The following SCFD2 variants were observed in gnomAD, a reference collection of about 807,000 sequenced individuals.
SCFD2 encodes sec1 family domain containing 2, also known as sec1 family domain-containing protein 2.
In SCFD2, 54 loss-of-function variants were observed where a neutral mutation model predicts 58.9. The observed-to-expected ratio is 0.92, with a 90% CI of 0.74 to 1.15. The LOEUF (loss-of-function observed/expected upper bound fraction) is 1.15, where lower values mean the gene tolerates loss of function less well. Among genes scored for constraint, SCFD2 ranks in the 50% most tolerant of loss-of-function variants. SCFD2 has a pLI of 0.00. For synonymous variants in SCFD2, 321 were observed against 335.9 expected, an observed-to-expected ratio of 0.96 and a Z score of 0.49; for missense variants, 805 against 836.6, an observed-to-expected ratio of 0.96 and a Z score of 0.47.
At chr4:53,291,960 C>T (rs1432609406) in intron 3 of SCFD2, among the ~76,000 whole-genome samples, 1 of 151,714 alleles carries the variant, frequency 6.6e-6, no homozygotes, top group Non-Finnish European at 1.5e-5. Flanking sequence ...CTTCCTTATG[C>T]CTTATACAAA....
At chr4:53,270,137 A>G (rs1731115652) in intron 4 of SCFD2, among the ~76,000 whole-genome samples, 1 of 152,214 alleles carries the variant, frequency 6.6e-6, no homozygotes. Context: ...GCATATGTTT[A>G]CATGTGTATG....
At chr4:53,051,775 A>C (rs1389647976) in intron 5 of SCFD2, among the ~76,000 whole-genome samples, 1 of 152,230 alleles carries the variant, frequency 6.6e-6, no homozygotes. Flanking sequence ...GCTCTGATTA[A>C]AGAAGAAAGT....
intron 2 of SCFD2, among the ~76,000 whole-genome samples, chr4:53,316,873 G>A (rs1379844994): frequency 6.6e-6 from 1 of 152,070 alleles, no homozygotes; most frequent in East Asian, 1.9e-4. Flanking sequence ...ATTTTGGGAG[G>A]CCAAGGCAGG....
intron 5 of SCFD2, among the ~76,000 whole-genome samples, chr4:53,095,670 TA>T (rs1381944187): frequency 6.6e-5 from 10 of 152,130 alleles, no homozygotes; most frequent in Admixed American, 6.6e-4. Context: ...CCTAAGTGCT[TA>T]AAATACCCTA....
At chr4:53,315,819 T>G (rs2149113648) in intron 2 of SCFD2, among the ~76,000 whole-genome samples, 1 of 152,302 alleles carries the variant, frequency 6.6e-6, no homozygotes, top group South Asian at 2.1e-4. Context: ...CTCTTTTCCA[T>G]GAGAATATGT....
intron 4 of SCFD2, among the ~76,000 whole-genome samples, chr4:53,194,559 C>T (rs897392518): frequency 1.3e-5 from 2 of 152,066 alleles, no homozygotes; most frequent in African/African-American, 4.8e-5. Flanking sequence ...TTTTACTCAG[C>T]CAAAGAAGTA....
At chr4:52,877,791 G>A (rs570876617) in intron 8 of SCFD2, among the ~76,000 whole-genome samples, 15 of 152,250 alleles carry the variant, frequency 9.9e-5, no homozygotes, top group African/African-American at 3.4e-4. Flanking sequence ...GAATCTGATC[G>A]CATTACTCAC....
chr4:53,283,779 G>T (rs181906742), intron 3 of SCFD2, among the ~76,000 whole-genome samples: 70 of 151,918 alleles, frequency 4.6e-4, no homozygotes, highest in Non-Finnish European at 8.2e-4. Flanking sequence ...GTTTCACCAT[G>T]TTGTCCAGTT....
chr4:52,893,084 T>C (rs1452335949), intron 7 of SCFD2, among the ~76,000 whole-genome samples: 1 of 152,224 alleles, frequency 6.6e-6, no homozygotes, highest in Admixed American at 6.5e-5. Context: ...GGACTTGTAC[T>C]CATTTAATCA....
intron 1 of SCFD2, among the ~76,000 whole-genome samples, chr4:53,354,377 C>G (rs576331613): frequency 0.018 from 2,725 of 152,326 alleles, 84 homozygotes; most frequent in African/African-American, 0.062. Context: ...AAGTGTGGGG[C>G]GCGCCGAGCC....
chr4:53,261,090 T>C lies in SCFD2; in HGVS notation c.1311+12736A>G, dbSNP rs184696991. Among the ~76,000 whole-genome samples the C allele has an allele frequency of 2.7e-3, 414 of 152,334 alleles. 1 individual carries two copies. The highest frequency in any genetic ancestry group is 9.5e-3 in the African/African-American group (396 of 41,596). On this transcript the variant is annotated intron_variant, in intron 4 of 8. Coordinates refer to ENST00000401642, the MANE Select transcript of SCFD2 (RefSeq NM_152540.4). Reference sequence around the variant, plus strand: ...GTAATATATCCCGTTTCATTTCTAATTGAGCTTATTTGGATCGTCTTTCTT... The same window carrying C: ...GTAATATATCCCGTTTCATTTCTAACTGAGCTTATTTGGATCGTCTTTCTT...
At chr4:52,931,774 T>C (rs1264745920) in intron 5 of SCFD2, among the ~76,000 whole-genome samples, 1 of 152,214 alleles carries the variant, frequency 6.6e-6, no homozygotes, top group African/African-American at 2.4e-5. Flanking sequence ...GCATCTTCTG[T>C]GGATGGTCCT....
chr4:53,112,966 G>A (rs1192813474), intron 5 of SCFD2, among the ~76,000 whole-genome samples: 1 of 151,912 alleles, frequency 6.6e-6, no homozygotes, highest in African/African-American at 2.4e-5. Flanking sequence ...ATATTATCAT[G>A]ATTCCCTCTT....
intron 4 of SCFD2, among the ~76,000 whole-genome samples, chr4:53,151,107 G>A (rs1261685764): frequency 1.3e-5 from 2 of 152,182 alleles, no homozygotes; most frequent in Non-Finnish European, 2.9e-5. Context: ...AGAAGAGGAA[G>A]TTAGTAGTCT....
At chr4:53,036,870 A>G (rs187836592) in intron 5 of SCFD2, among the ~76,000 whole-genome samples, 30 of 152,348 alleles carry the variant, frequency 2.0e-4, no homozygotes, top group African/African-American at 7.0e-4. Flanking sequence ...CATCTACATG[A>G]TTCCATTTTT....
At position 52,987,918 on chromosome 4, in the gene SCFD2, C is replaced by T. The variant is rs2109578093; in HGVS notation, c.1562-67048G>A. Among the ~76,000 whole-genome samples, 3 of 152,320 alleles carry T rather than the reference C, an allele frequency of 2.0e-5. No individual in the cohort carries two copies. The South Asian group carries it at 6.2e-4, about 32-fold the overall frequency. ...TGGAGGAACTGCAAGTGAGACAGCA[C>T]AAGCAATGGGTGTCTCAGAAGATCC... is the stretch of plus-strand genomic sequence containing the variant. On this transcript the variant is annotated intron_variant, in intron 5 of 8. Coordinates refer to ENST00000401642, the MANE Select transcript of SCFD2 (RefSeq NM_152540.4).
chr4:53,092,380 G>A (rs895376658), intron 5 of SCFD2, among the ~76,000 whole-genome samples: 11 of 151,980 alleles, frequency 7.2e-5, no homozygotes, highest in Non-Finnish European at 1.5e-5. Flanking sequence ...AAAAACAGTT[G>A]GGCAATTTCT....
chr4:53,350,591 T>C (rs754927471), intron 2 of SCFD2, among the ~76,000 whole-genome samples: 6 of 152,200 alleles, frequency 3.9e-5, no homozygotes, highest in Non-Finnish European at 7.3e-5. Flanking sequence ...ACTCCCAAAT[T>C]AACTCAAAGA....
intron 7 of SCFD2, among the ~76,000 whole-genome samples, chr4:52,886,916 G>A (rs1213051666): frequency 6.6e-6 from 1 of 152,334 alleles, no homozygotes; most frequent in African/African-American, 2.4e-5. Context: ...CAGCATAAAT[G>A]TGCCCCCTTC....
Sources: allele counts gnomAD v4.1 joint callset (sites outside exome capture counted in the v4.1 genomes callset), GRCh38; gene constraint gnomAD v4.1.1; transcripts MANE v1.5; gene names NCBI Gene and HGNC (gene_info 2026-07-23, HGNC 2026-07-21).